The following TRMT11 variants were observed in gnomAD, a reference collection of about 807,000 sequenced individuals.
TRMT11 encodes the protein tRNA (guanine(10)-N(2))-methyltransferase TRMT11.
Under a neutral mutation model 62.8 loss-of-function variants are expected in TRMT11, and 53 were observed. The ratio of observed to expected loss-of-function variants is 0.84; its 90% CI spans 0.68 to 1.06. The LOEUF is 1.06. TRMT11 is among the 50% of genes least tolerant of loss of function. The pLI is 0.00. For missense variants in TRMT11, 556 were observed against 553.4 expected (o/e 1.00, Z -0.05); for synonymous variants, 188 against 190.3 (o/e 0.99, Z 0.10).
At chr6:126,173,257 T>C (rs148064629), upstream of TRMT11, among the ~76,000 whole-genome samples, 509 of 152,308 alleles carry the variant, frequency 3.3e-3, 3 homozygotes, top group African/African-American at 0.012. Context: ...TAAAAATATA[T>C]GATTTGTCTT....
At chr6:126,133,815 T>C (rs769652032) in intron 21 of TRMT11, among the ~76,000 whole-genome samples, 3 of 151,950 alleles carry the variant, frequency 2.0e-5, no homozygotes, top group Non-Finnish European at 4.4e-5. Flanking sequence ...CTCATCATTT[T>C]AGAGAGAAGT....
intron 17 of TRMT11, among the ~76,000 whole-genome samples, chr6:126,080,893 C>T (rs1470104004): frequency 6.6e-6 from 1 of 152,134 alleles, no homozygotes; most frequent in Admixed American, 6.5e-5. Flanking sequence ...TCCACATTGG[C>T]TCTATGACCC....
At chr6:126,251,169 T>G in the TRMT11 span, among the ~76,000 whole-genome samples, 1 of 151,934 alleles carries the variant, frequency 6.6e-6, no homozygotes, top group Non-Finnish European at 1.5e-5. Flanking sequence ...TAGCTGGGAT[T>G]ACAGGTGCCC....
intron 17 of TRMT11, among the ~76,000 whole-genome samples, chr6:126,083,024 A>C (rs945579642): frequency 1.4e-4 from 22 of 152,198 alleles, no homozygotes; most frequent in African/African-American, 5.3e-4. Flanking sequence ...TGAAGAAACA[A>C]ATCACCTGAT....
At chr6:126,197,895 A>G (rs1401077931) in intron 1 of TRMT11, among the ~76,000 whole-genome samples, 1 of 152,208 alleles carries the variant, frequency 6.6e-6, no homozygotes, top group East Asian at 1.9e-4. Context: ...TGAGGGACCA[A>G]AGGAAAACAT....
intron 12 of TRMT11, among the ~76,000 whole-genome samples, chr6:126,024,407 C>CT (rs1796250909): frequency 6.6e-6 from 1 of 152,160 alleles, no homozygotes; most frequent in Non-Finnish European, 1.5e-5. Flanking sequence ...GTCTCTTTCT[C>CT]TTCTTTTTGT....
intron 21 of TRMT11, among the ~76,000 whole-genome samples, chr6:126,154,339 A>G (rs9401865): frequency 0.1 from 12,367 of 122,850 alleles, 643 homozygotes; most frequent in Middle Eastern, 0.15. Context: ...GTGTGTGTGT[A>G]TGTGTGTGTG....
chr6:126,172,470 C>T (rs542555455), upstream of TRMT11, among the ~76,000 whole-genome samples: 12 of 152,248 alleles, frequency 7.9e-5, no homozygotes, highest in South Asian at 2.1e-4. Flanking sequence ...AAAGAGTCCC[C>T]GGTAGTTATG....
the TRMT11 span, among the ~76,000 whole-genome samples, chr6:126,241,809 C>T: frequency 6.6e-6 from 1 of 151,934 alleles, no homozygotes; most frequent in Admixed American, 6.6e-5. Context: ...ATAATAAGAG[C>T]TATTCATGGA....
At position 125,998,238 on chromosome 6, in the gene TRMT11, T is replaced by G. The variant is rs752762365; in HGVS notation, c.310T>G (p.Ser104Ala). ...TTTATTTTAGGTTCCATTTCTACATTCGGACTCTACATATAAAATAAAGAT... is the reference window on the plus strand; with the variant it reads ...TTTATTTTAGGTTCCATTTCTACATGCGGACTCTACATATAAAATAAAGAT... Reference protein sequence around the residue: ...PVEKMVPFLHSDSTYKIKIHT... With the variant: ...PVEKMVPFLHADSTYKIKIHT... The change falls in exon 5 of 13, where the codon TCG (serine) becomes GCG (alanine). Residue 104 changes from serine (S) to alanine (A), a missense_variant. Physicochemically the swap from Ser to Ala is moderately conservative, Grantham distance 99. Transcript: ENST00000334379. 7.5e-6 allele frequency: 12 copies of G among 1,601,412 alleles called. No homozygotes were observed. Among genetic ancestry groups the G allele is most frequent in the Middle Eastern group, 1.7e-4 (1 of 6,018 alleles).
intron 21 of TRMT11, among the ~76,000 whole-genome samples, chr6:126,140,875 A>C (rs1299659168): frequency 6.6e-6 from 1 of 152,136 alleles, no homozygotes; most frequent in Non-Finnish European, 1.5e-5. Context: ...ATGTATTTTC[A>C]TAATGACACC....
intron 1 of TRMT11, among the ~76,000 whole-genome samples, chr6:125,991,220 C>T (rs1048793141): frequency 1.4e-4 from 21 of 148,708 alleles, no homozygotes; most frequent in East Asian, 3.9e-4. Flanking sequence ...CACTCCAGCC[C>T]GGGTGACAGT....
the TRMT11 span, among the ~76,000 whole-genome samples, chr6:126,224,155 T>C: frequency 1.3e-5 from 2 of 152,224 alleles, no homozygotes; most frequent in African/African-American, 2.4e-5. Context: ...TTTCAGTCAT[T>C]TCAGCCTGGT....
At chr6:126,190,036 T>G (rs1452611944) in intron 1 of TRMT11, among the ~76,000 whole-genome samples, 1 of 152,176 alleles carries the variant, frequency 6.6e-6, no homozygotes, top group Non-Finnish European at 1.5e-5. Flanking sequence ...CTCAAACATT[T>G]ATCTTTTCTT....
intron 2 of TRMT11, 32 bp from the exon 3 acceptor site, chr6:125,995,935 A>C (rs1238911206): frequency 2.2e-6 from 3 of 1,381,994 alleles, no homozygotes; most frequent in Non-Finnish European, 3.1e-6. Context: ...GTAGCCACTT[A>C]GAATTAAGTT....
chr6:126,017,588 T>C (rs1412166800), intron 11 of TRMT11, among the ~76,000 whole-genome samples: 1 of 152,226 alleles, frequency 6.6e-6, no homozygotes, highest in East Asian at 1.9e-4. Flanking sequence ...CCCCATTGTT[T>C]GAGATGCCCT....
chr6:126,116,322 CA>C (rs979222132), intron 21 of TRMT11, among the ~76,000 whole-genome samples: 10 of 152,022 alleles, frequency 6.6e-5, no homozygotes, highest in African/African-American at 2.2e-4. Flanking sequence ...GCACTGGATA[CA>C]AACTTTATTA....
In TRMT11 at chr6:126,142,408, A is replaced by G. The variant is rs573944555; in HGVS notation, c.*1823+26553A>G. Among the ~76,000 whole-genome samples the G allele has an allele frequency of 3.3e-5, 5 of 152,204 alleles. No individual in the cohort carries two copies. The South Asian group carries it at 1.0e-3, about 32-fold the overall frequency. On this transcript the variant is annotated intron_variant and NMD_transcript_variant, in intron 21 of 22. Transcript: ENST00000648977. ...TTTGTATTTGTATTATAATTTCTGA[A>G]CATCACTATCACATATTTTATTTTT...
rs189635983 is a variant in TRMT11 at position 126,165,703 on chromosome 6, C to T, written c.*1824-9122C>T. Among the ~76,000 whole-genome samples the T allele has an allele frequency of 2.2e-3, 330 of 152,304 alleles. 1 individual carries two copies. The highest frequency in any genetic ancestry group is 7.2e-3 in the African/African-American group (300 of 41,554). On this transcript the variant is annotated intron_variant and NMD_transcript_variant, in intron 21 of 22. Transcript: ENST00000648977. ...TGGGTAACCCAACCTTTCTCTCTGGCTGCCCTTAACATTTGCTCCTTCATT... is the reference window on the plus strand; with the variant it reads ...TGGGTAACCCAACCTTTCTCTCTGGTTGCCCTTAACATTTGCTCCTTCATT...
Sources: allele counts gnomAD v4.1 joint callset (sites outside exome capture counted in the v4.1 genomes callset), GRCh38; gene constraint gnomAD v4.1.1; transcripts MANE v1.5; gene names NCBI Gene and HGNC (gene_info 2026-07-23, HGNC 2026-07-21).